The following ITPKB variants were observed in gnomAD, a reference collection of about 807,000 sequenced individuals.
ITPKB encodes IP3 3-kinase B.
Under a neutral mutation model 69.4 loss-of-function variants are expected in ITPKB, and 13 were observed. That is an observed-to-expected ratio of 0.19 (90% CI 0.12 to 0.30). ITPKB has a LOEUF of 0.30. ITPKB is among the 10% of genes least tolerant of loss of function. ITPKB has a pLI of 1.00. For missense variants in ITPKB, 1,240 were observed against 1,250.5 expected (o/e 0.99, Z 0.13); for synonymous variants, 584 against 513.7 (o/e 1.14, Z -1.85).
intron 2 of ITPKB, among the ~76,000 whole-genome samples, chr1:226,652,008 T>C (rs548236479): frequency 1.3e-5 from 2 of 152,324 alleles, no homozygotes; most frequent in Admixed American, 6.5e-5. Flanking sequence ...ATTCCACTTG[T>C]GAGAATGCCA....
Position 226,656,352 on chromosome 1 carries a change from G to A in ITPKB, c.1933-7581C>T, listed in dbSNP as rs1408245461. ...AGCAGGTGTGGGAGGGGCTGCACTT[G>A]CCCATCTGGAGCCCGGTCAGAGGCT... On this transcript the variant is annotated intron_variant, in intron 2 of 7. Transcript: ENST00000429204. Among the ~76,000 whole-genome samples the A allele has an allele frequency of 2.0e-5, 3 of 152,216 alleles. No individual in the cohort carries two copies. In the East Asian group the frequency reaches 5.8e-4, roughly 29 times the overall value.
rs1419808802 is a variant in ITPKB at position 226,665,541 on chromosome 1, A to G, written c.1933-16770T>C. 5.3e-5 allele frequency among the ~76,000 whole-genome samples: 8 copies of G among 152,234 alleles called. No homozygotes were observed. The East Asian group carries it at 1.5e-3, about 29-fold the overall frequency. On this transcript the variant is annotated intron_variant, in intron 2 of 7. Coordinates refer to ENST00000429204, the MANE Select transcript of ITPKB (RefSeq NM_002221.4). ...GCCCTTCGGGTCTGAAAGATGAAAT[A>G]GAACACCAAGACAAAACGGGCCTCT...
chr1:226,647,037 T>C (rs1158193127), intron 4 of ITPKB, 130 bp downstream of exon 4: 10 of 725,488 alleles, frequency 1.4e-5, no homozygotes, highest in East Asian at 8.1e-5. Flanking sequence ...GAGGCTCTAA[T>C]TGGTCCAACA....
chr1:226,646,731 C>G (rs1175105959), intron 4 of ITPKB, among the ~76,000 whole-genome samples: 15 of 152,170 alleles, frequency 9.9e-5, no homozygotes, highest in Admixed American at 9.8e-4. Flanking sequence ...TTCCCACTCA[C>G]CAGGGCTGGG....
In ITPKB at chr1:226,648,676, G is replaced by A. The variant is rs1307895272; in HGVS notation, c.2028C>T (p.His676=). The stretch of plus-strand genomic sequence containing the variant: ...GTCTGGGAGAGCTGTGTCTACCTGC[G>A]TGTCCTGCCAGCTGGATCCAGGGGT... ...KKYPWIQLAG[H]AGSFKAAANG... Residue 676 remains histidine (H), a synonymous_variant, in exon 3 of 8, where the codon CAC becomes CAT. Transcript: ENST00000429204. 8.1e-6 allele frequency: 13 copies of A among 1,596,632 alleles called. No homozygotes were observed. Among genetic ancestry groups the A allele is most frequent in the Non-Finnish European group, 1.1e-5 (13 of 1,164,006 alleles).
intron 2 of ITPKB, among the ~76,000 whole-genome samples, chr1:226,716,698 C>A (rs1445042128): frequency 2.0e-5 from 3 of 152,210 alleles, no homozygotes; most frequent in Non-Finnish European, 4.4e-5. Context: ...CTGAACCAAA[C>A]CATCATTTGA....
At position 226,631,873 on chromosome 1, in the gene ITPKB, C is replaced by T. The variant is rs1343721129; in HGVS notation, c.*2798G>A. 6.6e-6 allele frequency: 1 copy of T among 152,206 alleles called. No homozygotes were observed. Among genetic ancestry groups the T allele is most frequent in the African/African-American group, 2.4e-5 (1 of 41,396 alleles). 9.4% of individuals were successfully genotyped at this position (152,206 alleles called of 1,614,324 possible). ...AAAAGGCACTGACGAGGTGACCACC[C>T]CAGAGCCAGGGGCTGGGTTATATAC... On this transcript the variant is annotated 3_prime_UTR_variant, in exon 8 of 8. Transcript: ENST00000429204.
chr1:226,633,023 C>G lies in ITPKB; in HGVS notation c.*1648G>C, dbSNP rs1019385347. 6.6e-6 allele frequency: 1 copy of G among 152,188 alleles called. No individual in the cohort carries two copies. The highest frequency in any genetic ancestry group is 1.5e-5 in the Non-Finnish European group (1 of 68,044). The allele number at this position is 152,188 out of a possible 1,614,324, so 9.4% of individuals were successfully genotyped here. Reference sequence around the variant, plus strand: ...GAGGTCTCTCGTGCTCCACCGGGCGCGTGTGTGACCTTTAGCAAGTCGGCC... The same window carrying G: ...GAGGTCTCTCGTGCTCCACCGGGCGGGTGTGTGACCTTTAGCAAGTCGGCC... On this transcript the variant is annotated 3_prime_UTR_variant, in exon 8 of 8. Transcript: ENST00000429204.
At chr1:226,727,035 A>G (rs1206235811) in intron 2 of ITPKB, among the ~76,000 whole-genome samples, 5 of 152,204 alleles carry the variant, frequency 3.3e-5, no homozygotes, top group African/African-American at 1.2e-4. Flanking sequence ...TCCTGCTAGC[A>G]GATTCAGGTT....
intron 2 of ITPKB, 104 bp downstream of exon 2, chr1:226,735,423 A>C: frequency 7.8e-7 from 1 of 1,287,878 alleles, no homozygotes; most frequent in Non-Finnish European, 1.0e-6. Context: ...CCCTGGTCTG[A>C]GTTTTCATGA....
chr1:226,662,317 T>C (rs778549818), intron 2 of ITPKB, among the ~76,000 whole-genome samples: 2 of 152,120 alleles, frequency 1.3e-5, no homozygotes, highest in African/African-American at 2.4e-5. Context: ...AGTTCAAGAA[T>C]CTAAAATGCC....
intron 2 of ITPKB, among the ~76,000 whole-genome samples, chr1:226,670,430 G>A (rs1669592127): frequency 6.6e-6 from 1 of 152,168 alleles, no homozygotes; most frequent in Non-Finnish European, 1.5e-5. Context: ...GCACCAAGAT[G>A]TTAATTATGC....
chr1:226,679,832 G>C (rs1289223046), intron 2 of ITPKB, among the ~76,000 whole-genome samples: 1 of 152,146 alleles, frequency 6.6e-6, no homozygotes, highest in South Asian at 2.1e-4. Flanking sequence ...CGATTTTGCT[G>C]GGGAGAAGGT....
chr1:226,715,027 G>A (rs1571871379), intron 2 of ITPKB, among the ~76,000 whole-genome samples: 1 of 152,206 alleles, frequency 6.6e-6, no homozygotes. Context: ...AAATGCCAAC[G>A]ATGAGAAACT....
chr1:226,652,309 C>T (rs1669210512), intron 2 of ITPKB, among the ~76,000 whole-genome samples: 1 of 152,166 alleles, frequency 6.6e-6, no homozygotes, highest in Non-Finnish European at 1.5e-5. Context: ...GCCTCAGGAA[C>T]CAAATCCACT....
At chr1:226,705,198 C>G (rs1656769721) in intron 2 of ITPKB, among the ~76,000 whole-genome samples, 1 of 152,166 alleles carries the variant, frequency 6.6e-6, no homozygotes, top group Non-Finnish European at 1.5e-5. Context: ...TGAGAACATT[C>G]TGATGGCCAG....
intron 2 of ITPKB, among the ~76,000 whole-genome samples, chr1:226,662,703 T>C (rs2102758524): frequency 6.6e-6 from 1 of 152,342 alleles, no homozygotes; most frequent in East Asian, 1.9e-4. Flanking sequence ...AAGGAAACTT[T>C]TGAGGGAGGA....
chr1:226,687,848 A>C (rs1171056145), intron 2 of ITPKB, among the ~76,000 whole-genome samples: 1 of 152,162 alleles, frequency 6.6e-6, no homozygotes, highest in Non-Finnish European at 1.5e-5. Flanking sequence ...GGAGGTAAAA[A>C]GATTAAAAAG....
intron 2 of ITPKB, among the ~76,000 whole-genome samples, chr1:226,701,275 CTG>C (rs1267039621): frequency 6.6e-6 from 1 of 152,210 alleles, no homozygotes; most frequent in Non-Finnish European, 1.5e-5. Context: ...CAAATTCTAA[CTG>C]TGCTAACATC....
Sources: gnomAD v4.1 joint callset for allele counts (sites outside exome capture counted in the v4.1 genomes callset) on GRCh38, gnomAD v4.1.1 for gene constraint, MANE v1.5 for transcripts, NCBI Gene and HGNC (gene_info 2026-07-23, HGNC 2026-07-21) for gene names.